The following CFAP95 variants were observed in gnomAD, a reference collection of about 807,000 sequenced individuals.
CFAP95 encodes the protein cilia and flagella associated protein 95, also known as cilia- and flagella-associated protein 95.
chr9:69,841,164 T>TTTTATATATATCTATATA, the CFAP95 span, among the ~76,000 whole-genome samples: 1 of 56,078 alleles, frequency 1.8e-5, no homozygotes, highest in African/African-American at 6.0e-5. Context: ...CCAAGCTGGA[T>TTTTATATATATCTATATA]TATATATATA....
chr9:69,837,553 C>T, the CFAP95 span, among the ~76,000 whole-genome samples: 2 of 152,140 alleles, frequency 1.3e-5, no homozygotes, highest in Non-Finnish European at 2.9e-5. Flanking sequence ...CTGTTCATGT[C>T]CTTCGCCCAC....
chr9:69,876,849 G>T, the CFAP95 span, among the ~76,000 whole-genome samples: 1 of 152,084 alleles, frequency 6.6e-6, no homozygotes, highest in Non-Finnish European at 1.5e-5. Flanking sequence ...TGGCCAGGCT[G>T]GTCTCAAACT....
At chr9:69,887,750 T>C in the CFAP95 span, among the ~76,000 whole-genome samples, 2 of 152,320 alleles carry the variant, frequency 1.3e-5, no homozygotes, top group South Asian at 2.1e-4. Context: ...CAGTAGAACA[T>C]GGCAAAAGTG....
the CFAP95 span, among the ~76,000 whole-genome samples, chr9:69,905,348 G>A: frequency 2.0e-5 from 3 of 152,272 alleles, no homozygotes; most frequent in South Asian, 6.2e-4. Context: ...TACCCTTGGT[G>A]TAATCGGAAA....
chr9:69,858,795 C>A, the CFAP95 span, among the ~76,000 whole-genome samples: 1 of 152,144 alleles, frequency 6.6e-6, no homozygotes, highest in Non-Finnish European at 1.5e-5. Flanking sequence ...ACAAAGAGAA[C>A]TGACTTTACA....
the CFAP95 span, among the ~76,000 whole-genome samples, chr9:69,849,196 G>T: frequency 6.6e-6 from 1 of 152,118 alleles, no homozygotes; most frequent in Admixed American, 6.6e-5. Context: ...CTCTATGAAA[G>T]TGGGGAGTTT....
chr9:69,843,401 C>CT, the CFAP95 span, among the ~76,000 whole-genome samples: 1 of 150,380 alleles, frequency 6.6e-6, no homozygotes, highest in South Asian at 2.1e-4. Flanking sequence ...ACTTCTCCTA[C>CT]TTTTTCCTTC....
the CFAP95 span, among the ~76,000 whole-genome samples, chr9:69,901,594 G>A: frequency 1.3e-5 from 2 of 151,916 alleles, no homozygotes; most frequent in Non-Finnish European, 2.9e-5. Context: ...TATCATTGAT[G>A]GACGTTTGGG....
the CFAP95 span, among the ~76,000 whole-genome samples, chr9:69,889,708 G>A: frequency 6.6e-6 from 1 of 152,066 alleles, no homozygotes; most frequent in South Asian, 2.1e-4. Flanking sequence ...TGTTCTCAAT[G>A]TATTGTTTTT....
At chr9:69,835,367 A>G in the CFAP95 span, among the ~76,000 whole-genome samples, 9 of 152,224 alleles carry the variant, frequency 5.9e-5, no homozygotes, top group East Asian at 1.9e-4. Flanking sequence ...CATGTCAGAT[A>G]TTGCTCAGAT....
the CFAP95 span, among the ~76,000 whole-genome samples, chr9:69,843,407 C>T: frequency 2.0e-5 from 3 of 149,268 alleles, no homozygotes; most frequent in African/African-American, 7.4e-5. Flanking sequence ...CCTACTTTTT[C>T]CTTCTCTACC....
At chr9:69,895,369 C>CTCTCTGTGTGTGTG in the CFAP95 span, among the ~76,000 whole-genome samples, 2,149 of 107,694 alleles carry the variant, frequency 0.02, 85 homozygotes, top group African/African-American at 0.062. Flanking sequence ...CTCTCTCTCT[C>CTCTCTGTGTGTGTG]TGTGTGTGTG....
chr9:69,872,950 T>C, the CFAP95 span, among the ~76,000 whole-genome samples: 1 of 152,170 alleles, frequency 6.6e-6, no homozygotes, highest in South Asian at 2.1e-4. Flanking sequence ...TACAGAAGAA[T>C]GGTCTTGGGA....
the CFAP95 span, among the ~76,000 whole-genome samples, chr9:69,848,598 C>T: frequency 6.6e-6 from 1 of 152,174 alleles, no homozygotes; most frequent in African/African-American, 2.4e-5. Context: ...TTTTACCTCT[C>T]TCTCTTCCTC....
chr9:69,844,385 G>T, the CFAP95 span: 4 of 533,670 alleles, frequency 7.5e-6, no homozygotes, highest in African/African-American at 5.9e-5. Context: ...TACTTTATAT[G>T]TCACAAATCT....
the CFAP95 span, among the ~76,000 whole-genome samples, chr9:69,881,414 A>C: frequency 6.6e-6 from 1 of 152,210 alleles, no homozygotes; most frequent in Non-Finnish European, 1.5e-5. Flanking sequence ...CGTTTGTTGA[A>C]GAGACTGTCT....
At chr9:69,834,440 C>T in the CFAP95 span, among the ~76,000 whole-genome samples, 1 of 152,164 alleles carries the variant, frequency 6.6e-6, no homozygotes, top group Non-Finnish European at 1.5e-5. Flanking sequence ...CTAAAAGTGT[C>T]CCAGGTGGGA....
chr9:69,906,012 C>T, the CFAP95 span: 1,733 of 1,612,356 alleles, frequency 1.1e-3, 3 homozygotes, highest in Admixed American at 2.4e-3. Context: ...TCTCAGTTCA[C>T]GGATCTAAAT....
At chr9:69,853,703 C>A in the CFAP95 span, among the ~76,000 whole-genome samples, 3 of 152,150 alleles carry the variant, frequency 2.0e-5, no homozygotes, top group African/African-American at 7.2e-5. Flanking sequence ...TGCCTACATG[C>A]AACAGACACT....
Sources: allele counts gnomAD v4.1 joint callset (sites outside exome capture counted in the v4.1 genomes callset), GRCh38; gene constraint gnomAD v4.1.1; transcripts MANE v1.5; gene names NCBI Gene and HGNC (gene_info 2026-07-23, HGNC 2026-07-21).